P4HTM: variants seen among roughly 807,000 people sequenced by gnomAD.
P4HTM encodes the protein transmembrane prolyl 4-hydroxylase.
A neutral mutation model predicts 55.3 loss-of-function variants in P4HTM; 33 were observed. That is an observed-to-expected ratio of 0.60 (90% CI 0.45 to 0.80). The LOEUF (loss-of-function observed/expected upper bound fraction) is 0.80. Among genes scored for constraint, P4HTM ranks in the 30% least tolerant of loss-of-function variants. P4HTM has a pLI of 0.00. For missense variants in P4HTM, 542 were observed against 696.5 expected (o/e 0.78, Z 2.50); for synonymous variants, 272 against 286.4 (o/e 0.95, Z 0.51).
chr3:48,990,189 T>C (rs1338943739), upstream of P4HTM: 2 of 1,104,508 alleles, frequency 1.8e-6, no homozygotes, highest in Non-Finnish European at 2.2e-6. This position sits in a 1 kb window ranked among gnomAD's most constrained non-coding sequence, Gnocchi z 7.2. Context: ...GCGGCCGTTG[T>C]CCGGGCGACT....
chr3:49,000,809 G>A (rs938927137), intron 2 of P4HTM, among the ~76,000 whole-genome samples: 3 of 152,202 alleles, frequency 2.0e-5, no homozygotes, highest in Admixed American at 1.3e-4. Context: ...TTTGTACCAG[G>A]GAAGGAATCA....
chr3:48,990,496 C>T lies in P4HTM; in HGVS notation c.240C>T (p.Leu80=). The T allele has an allele frequency of 3.1e-6, 5 of 1,611,420 alleles. No homozygotes were observed. The highest frequency in any genetic ancestry group is 2.2e-5 in the East Asian group (1 of 44,812). ...LYLGNVLALL[L]FVHYSNGDES... is the part of the protein sequence containing the mutation. ...TGGGTAACGTGCTGGCGCTGCTGCT[C>T]TTCGTGCACTACAGCAACGGCGACG... The change falls in exon 1 of 9, where the codon CTC becomes CTT. Residue 80 remains leucine, a synonymous_variant. Transcript: ENST00000383729. This position sits in a 1 kb window ranked among gnomAD's most constrained non-coding sequence, Gnocchi z 7.2.
upstream of P4HTM, chr3:48,990,133 C>A: frequency 1.1e-6 from 1 of 943,010 alleles, no homozygotes; most frequent in Non-Finnish European, 1.3e-6. The surrounding 1 kb of genome is among the most constrained non-coding windows in gnomAD (Gnocchi z 7.2). Flanking sequence ...GCGGGCTCAG[C>A]ACCCCCAGGC....
chr3:48,990,192 G>C, upstream of P4HTM: 1 of 1,109,556 alleles, frequency 9.0e-7, no homozygotes, highest in African/African-American at 1.7e-5. This position sits in a 1 kb window ranked among gnomAD's most constrained non-coding sequence, Gnocchi z 7.2. Flanking sequence ...GCCGTTGTCC[G>C]GGCGACTGCG....
chr3:48,990,999 A>T lies in P4HTM; in HGVS notation c.436+85A>T. 9.9e-7 allele frequency: 1 copy of T among 1,005,768 alleles called. No homozygotes were observed. Among genetic ancestry groups the T allele is most frequent in the Non-Finnish European group, 1.5e-6 (1 of 650,858 alleles). 62.3% of individuals were successfully genotyped at this position (1,005,768 alleles called of 1,614,324 possible). Reference sequence around the variant, plus strand: ...GGCTCGTTGTGACCACGTGACCTCTATTTTGAAAATGGCTGCTTCAGAGCA... The same window carrying T: ...GGCTCGTTGTGACCACGTGACCTCTTTTTTGAAAATGGCTGCTTCAGAGCA... On this transcript the variant is annotated intron_variant, in intron 2 of 8. Transcript: ENST00000383729. This position sits in a 1 kb window ranked among gnomAD's most constrained non-coding sequence, Gnocchi z 7.2.
intron 2 of P4HTM, among the ~76,000 whole-genome samples, chr3:48,995,880 C>A (rs2092944107): frequency 6.6e-6 from 1 of 152,182 alleles, no homozygotes; most frequent in African/African-American, 2.4e-5. Context: ...GCCTCCGTGC[C>A]CAGCCTCCCG....
chr3:49,004,047 T>C, intron 4 of P4HTM, 51 bp from the exon 5 acceptor site: 1 of 1,517,826 alleles, frequency 6.6e-7, no homozygotes, highest in Non-Finnish European at 8.9e-7. Flanking sequence ...CCTGCCACTG[T>C]TGCCTCCCAA....
chr3:49,005,310 C>T, intron 6 of P4HTM: 1 of 1,438,134 alleles, frequency 7.0e-7, no homozygotes, highest in Non-Finnish European at 9.1e-7. Context: ...AGTTCTGAAG[C>T]AAGGGGCAAG....
chr3:49,004,743 C>A (rs1250214016), intron 5 of P4HTM, 118 bp from the exon 6 acceptor site: 10 of 1,017,252 alleles, frequency 9.8e-6, no homozygotes, highest in African/African-American at 1.6e-5. Context: ...GCTTAAGGGA[C>A]TTCCAGGGGA....
intron 6 of P4HTM, 41 bp downstream of exon 6, chr3:49,005,087 C>T: frequency 1.2e-6 from 2 of 1,613,706 alleles, no homozygotes; most frequent in Non-Finnish European, 1.7e-6. Flanking sequence ...AATCCTCAGA[C>T]CAGGAACACC....
intron 7 of P4HTM, 43 bp downstream of exon 7, chr3:49,005,910 C>A (rs1273895479): frequency 6.5e-7 from 1 of 1,532,850 alleles, no homozygotes; most frequent in Non-Finnish European, 8.8e-7. Flanking sequence ...CTGGCAGGGG[C>A]TTAGACAAGT....
rs1407484261 is a variant in P4HTM, at chr3:48,990,609, A to G, written c.353A>G (p.Lys118Arg). Residue 118 changes from lysine (K) to arginine (R), a missense_variant and splice_region_variant, in exon 1 of 9, where the codon AAG (lysine) becomes AGG (arginine). This residue lies in a region of P4HTM where 536 missense variants were observed against 672.1 expected (regional missense o/e 0.80). Transcript: ENST00000383729. This position sits in a 1 kb window ranked among gnomAD's most constrained non-coding sequence, Gnocchi z 7.2. Reference sequence around the variant, plus strand: ...CCCCTCACCCGGCTGGAGGGCATCAAGGTGAGGACCTCCCTGCCCCGCCGC... The same window carrying G: ...CCCCTCACCCGGCTGGAGGGCATCAGGGTGAGGACCTCCCTGCCCCGCCGC... ...LGPLTRLEGI[K>R]VGHERKVQLV... 1.3e-6 allele frequency: 2 copies of G among 1,573,258 alleles called. No homozygotes were observed. The highest frequency in any genetic ancestry group is 1.7e-6 in the Non-Finnish European group (2 of 1,159,608).
intron 2 of P4HTM, chr3:48,998,139 G>T (rs2092951062): frequency 6.6e-6 from 1 of 152,366 alleles, no homozygotes; most frequent in Non-Finnish European, 1.5e-5. Flanking sequence ...ATTTGAAAGG[G>T]GTGGGGCCGA....
At chr3:48,995,156 TTGATGCCTAAAAG>T (rs1425997384) in intron 2 of P4HTM, among the ~76,000 whole-genome samples, 2 of 152,124 alleles carry the variant, frequency 1.3e-5, no homozygotes, top group Non-Finnish European at 2.9e-5. Context: ...TAAGTCTCAT[TTGATGCCTAAAAG>T]CCCTCTCGCC....
intron 3 of P4HTM, among the ~76,000 whole-genome samples, chr3:49,001,834 C>T (rs2092962120): frequency 6.6e-6 from 1 of 152,238 alleles, no homozygotes; most frequent in Admixed American, 6.5e-5. Flanking sequence ...GCAGGAGAAT[C>T]CACCTGGGGG....
Position 48,990,287 on chromosome 3 carries a change from C to T in P4HTM, c.31C>T (p.Pro11Ser). The T allele has an allele frequency of 7.6e-7, 1 of 1,319,080 alleles. No homozygotes were observed. Among genetic ancestry groups the T allele is most frequent in the Non-Finnish European group, 9.6e-7 (1 of 1,039,116 alleles). 81.7% of individuals were successfully genotyped at this position (1,319,080 alleles called of 1,614,324 possible). ...GGCAGCGGCGGTGACAGGCCAGCGG[C>T]CTGAGACCGCGGCGGCCGAGGAGGC... MAAAAVTGQRPETAAAEEASR... is the reference protein window; with the variant it reads MAAAAVTGQRSETAAAEEASR... Residue 11 changes from proline (P) to serine (S), a missense_variant, in exon 1 of 9, where the codon CCT becomes TCT. Coordinates refer to ENST00000383729, the MANE Select transcript of P4HTM (RefSeq NM_177939.3). This position sits in a 1 kb window ranked among gnomAD's most constrained non-coding sequence, Gnocchi z 7.2.
intron 8 of P4HTM, among the ~76,000 whole-genome samples, chr3:49,006,441 C>G (rs1237527612): frequency 6.6e-6 from 1 of 152,202 alleles, no homozygotes; most frequent in African/African-American, 2.4e-5. Context: ...GACACATGTC[C>G]CTTGCTAACC....
At chr3:48,994,972 TG>T (rs959786253) in intron 2 of P4HTM, among the ~76,000 whole-genome samples, 64 of 152,208 alleles carry the variant, frequency 4.2e-4, no homozygotes, top group African/African-American at 1.5e-3. Context: ...GCTAATTTTT[TG>T]TATTTTTAGT....
intron 5 of P4HTM, chr3:49,004,640 T>G: frequency 1.7e-6 from 1 of 587,356 alleles, no homozygotes; most frequent in South Asian, 2.1e-5. Flanking sequence ...ATGTCAACAT[T>G]TCCACATAGC....
Sources: allele counts gnomAD v4.1 joint callset (sites outside exome capture counted in the v4.1 genomes callset), GRCh38; gene constraint gnomAD v4.1.1; regional missense constraint gnomAD v4.1.1; non-coding constraint Gnocchi (gnomAD v3.1); transcripts MANE v1.5; gene names NCBI Gene and HGNC (gene_info 2026-07-23, HGNC 2026-07-21).